The following RAP2A variants were observed in gnomAD, a reference collection of about 807,000 sequenced individuals.
The protein encoded by RAP2A is RAP2A, member of RAS oncogene family, also known as ras-related protein Rap-2a.
RAP2A carries 5 observed loss-of-function variants against 15.1 expected under a neutral mutation model. That is an observed-to-expected ratio of 0.33 (90% confidence interval 0.17 to 0.70). RAP2A has a LOEUF of 0.70. RAP2A is among the 30% of genes least tolerant of loss of function. RAP2A has a pLI of 0.68. For synonymous variants in RAP2A, 110 were observed against 99.7 expected, an observed-to-expected ratio of 1.10 and a Z score of -0.62; for missense variants, 111 against 240.3, an observed-to-expected ratio of 0.46 and a Z score of 3.56.
chr13:97,469,109 A>C lies in RAP2A; in HGVS notation c.*4667A>C, dbSNP rs1303274729. On this transcript the variant is annotated 3_prime_UTR_variant, in exon 2 of 2. Coordinates refer to ENST00000245304, the MANE Select transcript of RAP2A (RefSeq NM_021033.7). ...TCGTTGAATATTATCTAGTATTTTTAATAAATATTTTCATAAATAGTTTTT... is the reference window on the plus strand; with the variant it reads ...TCGTTGAATATTATCTAGTATTTTTCATAAATATTTTCATAAATAGTTTTT... 2 of 152,148 alleles carry C rather than the reference A, an allele frequency of 1.3e-5. No individual in the cohort carries two copies. The highest frequency in any genetic ancestry group is 2.9e-5 in the Non-Finnish European group (2 of 68,038). 9.4% of individuals were successfully genotyped at this position (152,148 alleles called of 1,614,324 possible).
At chr13:97,452,933 A>G (rs2066708866) in intron 1 of RAP2A, among the ~76,000 whole-genome samples, 2 of 151,292 alleles carry the variant, frequency 1.3e-5, no homozygotes, top group South Asian at 2.1e-4. Context: ...TGGATTTTCT[A>G]ATTGTTTTCT....
chr13:97,462,500 TTGTA>T (rs895275572), intron 1 of RAP2A, among the ~76,000 whole-genome samples: 129 of 152,262 alleles, frequency 8.5e-4, no homozygotes, highest in African/African-American at 3.0e-3. Context: ...CACAAATTGT[TTGTA>T]TGTAAGAGTC....
Position 97,434,437 on chromosome 13 carries a change from GGGCGGCGGC to G in RAP2A, c.-21_-13del, listed in dbSNP as rs755279212. On this transcript the variant is annotated 5_prime_UTR_variant, in exon 1 of 2. Transcript: ENST00000245304. ...CGCGGCCGGCGTAGGTCTATGTCGC[GGGCGGCGGC>G]GGCGGCGGCGGCCGCGGAGGGACGA... is the stretch of plus-strand genomic sequence containing the variant. 3.3e-5 allele frequency: 51 copies of G among 1,543,668 alleles called. No individual in the cohort carries two copies. The highest frequency in any genetic ancestry group is 1.6e-4 in the East Asian group (7 of 43,258).
At chr13:97,448,331 G>A (rs943436899) in intron 1 of RAP2A, among the ~76,000 whole-genome samples, 2 of 152,124 alleles carry the variant, frequency 1.3e-5, no homozygotes, top group Admixed American at 6.5e-5. Context: ...ACTAACAGAC[G>A]ATTTGAGAGA....
At chr13:97,447,036 G>A (rs2066682775) in intron 1 of RAP2A, among the ~76,000 whole-genome samples, 1 of 152,152 alleles carries the variant, frequency 6.6e-6, no homozygotes, top group Non-Finnish European at 1.5e-5. Flanking sequence ...ATTTTGGTAA[G>A]AGTACTATTG....
intron 1 of RAP2A, chr13:97,441,649 AG>A (rs952913457): frequency 2.9e-6 from 1 of 349,118 alleles, no homozygotes; most frequent in African/African-American, 2.2e-5. Flanking sequence ...CTTACTGCCT[AG>A]GGGAGCATGT....
At chr13:97,461,680 C>G (rs9300413) in intron 1 of RAP2A, among the ~76,000 whole-genome samples, 1 of 152,014 alleles carries the variant, frequency 6.6e-6, no homozygotes, top group Non-Finnish European at 1.5e-5. Flanking sequence ...AAACATGATA[C>G]AGGCTGGGTG....
chr13:97,452,609 A>G (rs1382927717), intron 1 of RAP2A, among the ~76,000 whole-genome samples: 1 of 148,952 alleles, frequency 6.7e-6, no homozygotes, highest in East Asian at 1.9e-4. Context: ...ATTTCTGTAG[A>G]ATCCTTTGCA....
intron 1 of RAP2A, chr13:97,435,945 T>C (rs1566470461): frequency 6.6e-6 from 1 of 152,210 alleles, no homozygotes; most frequent in South Asian, 2.1e-4. Flanking sequence ...TCCACTCATT[T>C]TGAAAGAGCA....
chr13:97,444,549 T>G (rs909393913), intron 1 of RAP2A, among the ~76,000 whole-genome samples: 13 of 152,206 alleles, frequency 8.5e-5, no homozygotes, highest in African/African-American at 3.1e-4. Context: ...TAATATCATT[T>G]AAGCCACCTC....
At chr13:97,450,241 A>G (rs1336488300) in intron 1 of RAP2A, among the ~76,000 whole-genome samples, 1 of 152,186 alleles carries the variant, frequency 6.6e-6, no homozygotes, top group East Asian at 1.9e-4. Context: ...CTGAAAATGA[A>G]GAGGTGTTGA....
rs148241093 is a variant in RAP2A, at chr13:97,447,671, T to A, written c.314+12887T>A. On this transcript the variant is annotated intron_variant, in intron 1 of 1. Transcript: ENST00000245304. ...GATAGTGTACATCCAAAAATGCGTTTTTAGCCTGGTGGCCATGGACATGTT... is the reference window on the plus strand; with the variant it reads ...GATAGTGTACATCCAAAAATGCGTTATTAGCCTGGTGGCCATGGACATGTT... Among the ~76,000 whole-genome samples, 570 of 152,334 alleles carry A rather than the reference T, an allele frequency of 3.7e-3. 6 individuals carry two copies. Among genetic ancestry groups the A allele is most frequent in the African/African-American group, 0.013 (545 of 41,570 alleles).
intron 1 of RAP2A, chr13:97,437,515 A>C (rs1388971949): frequency 6.6e-6 from 1 of 152,262 alleles, no homozygotes; most frequent in Non-Finnish European, 1.5e-5. Context: ...CAGTACACAG[A>C]AATTGCTCAA....
chr13:97,434,475 G>A lies in RAP2A; in HGVS notation c.5G>A (p.Arg2His), dbSNP rs760719711. 28 of 1,599,218 alleles carry A rather than the reference G, an allele frequency of 1.8e-5. No homozygotes were observed. Among genetic ancestry groups the A allele is most frequent in the Admixed American group, 6.7e-5 (4 of 59,396 alleles). The change falls in exon 1 of 2, where the codon CGC becomes CAC. Residue 2 changes from arginine to histidine, a missense_variant. By Grantham distance (29) the Arg-to-His change is conservative. This residue lies in a region of RAP2A where 20 missense variants were observed against 28.2 expected (regional missense o/e 0.71). Coordinates refer to ENST00000245304, the MANE Select transcript of RAP2A (RefSeq NM_021033.7). M[R>H]EYKVVVLGSG... ...GGCGGCGGCCGCGGAGGGACGATGC[G>A]CGAGTACAAAGTGGTGGTGCTGGGC...
intron 1 of RAP2A, among the ~76,000 whole-genome samples, chr13:97,451,535 C>T (rs562603316): frequency 6.6e-6 from 1 of 152,204 alleles, no homozygotes; most frequent in Non-Finnish European, 1.5e-5. Context: ...GCAGGATGCC[C>T]CTTGCATGAA....
At chr13:97,454,653 C>T (rs2066715591) in intron 1 of RAP2A, among the ~76,000 whole-genome samples, 1 of 151,390 alleles carries the variant, frequency 6.6e-6, no homozygotes, top group Non-Finnish European at 1.5e-5. Flanking sequence ...TACGTTTATA[C>T]ATATTGTAAA....
intron 1 of RAP2A, among the ~76,000 whole-genome samples, chr13:97,451,559 C>G (rs1015759642): frequency 6.6e-6 from 1 of 152,230 alleles, no homozygotes; most frequent in South Asian, 2.1e-4. Flanking sequence ...ACCAGGATTT[C>G]ATTAATTGTT....
At chr13:97,450,769 T>C (rs1358648729) in intron 1 of RAP2A, among the ~76,000 whole-genome samples, 1 of 152,186 alleles carries the variant, frequency 6.6e-6, no homozygotes, top group Non-Finnish European at 1.5e-5. Flanking sequence ...GATAACACAT[T>C]ACTGGCACTT....
At chr13:97,455,114 CT>C (rs1566474354) in intron 1 of RAP2A, among the ~76,000 whole-genome samples, 1 of 151,206 alleles carries the variant, frequency 6.6e-6, no homozygotes, top group African/African-American at 2.4e-5. Context: ...TTTTTTCAAT[CT>C]TTTTTCTCTC....
Sources: allele counts gnomAD v4.1 joint callset (sites outside exome capture counted in the v4.1 genomes callset), GRCh38; gene constraint gnomAD v4.1.1; regional missense constraint gnomAD v4.1.1; transcripts MANE v1.5; gene names NCBI Gene and HGNC (gene_info 2026-07-23, HGNC 2026-07-21).